The following AMPH variants were observed in gnomAD, a reference collection of about 807,000 sequenced individuals.
AMPH encodes amphiphysin, also known as amphiphysin (Stiff-Mann syndrome with breast cancer 128kD autoantigen).
In AMPH, 49 loss-of-function variants were observed where a neutral mutation model predicts 99.1. That is an observed-to-expected ratio of 0.49 (90% CI 0.39 to 0.63). The LOEUF is 0.63. Among genes scored for constraint, AMPH ranks in the 20% least tolerant of loss-of-function variants. The probability of loss-of-function intolerance (pLI) is 0.00; values close to 1 mark genes in which losing one functional copy is unlikely to be tolerated. For missense variants in AMPH, 759 were observed against 863.4 expected (o/e 0.88, Z 1.52); for synonymous variants, 314 against 317.3 (o/e 0.99, Z 0.11).
At chr7:38,469,440 C>T (rs1050380564) in intron 7 of AMPH, among the ~76,000 whole-genome samples, 3 of 152,162 alleles carry the variant, frequency 2.0e-5, no homozygotes, top group African/African-American at 7.2e-5. Context: ...CTCTCCCCTT[C>T]GCAATGCCCT....
chr7:38,398,881 C>T (rs1206969396), intron 17 of AMPH, among the ~76,000 whole-genome samples: 2 of 152,180 alleles, frequency 1.3e-5, no homozygotes, highest in Admixed American at 1.3e-4. Context: ...CAGGTATTAG[C>T]TGCTGTGACA....
At position 38,571,052 on chromosome 7, in the gene AMPH, TTC is replaced by T. The variant is rs1430141046; in HGVS notation, c.70-36043_70-36042del. ...ATTGAATATATATAGAATATATATA[TTC>T]ATATATTGAATATATATAGAATATA... On this transcript the variant is annotated intron_variant, in intron 1 of 20. Transcript: ENST00000356264. Among the ~76,000 whole-genome samples, 119 of 63,964 alleles carry T rather than the reference TTC, an allele frequency of 1.9e-3. 16 individuals are homozygous for T. The highest frequency in any genetic ancestry group is 7.1e-3 in the African/African-American group (112 of 15,802). The allele number at this position is 63,964 out of a possible 152,430, so 42.0% of individuals were successfully genotyped here. A position where few individuals can be genotyped will look rare whatever the true frequency, so the allele number is the denominator to read the frequency against.
intron 1 of AMPH, among the ~76,000 whole-genome samples, chr7:38,547,409 A>G (rs1432050667): frequency 6.6e-6 from 1 of 152,202 alleles, no homozygotes; most frequent in East Asian, 1.9e-4. Context: ...AAACTGGTAC[A>G]ATTCACCAGA....
chr7:38,558,032 T>C (rs924645098), intron 1 of AMPH, among the ~76,000 whole-genome samples: 1 of 150,982 alleles, frequency 6.6e-6, no homozygotes, highest in Non-Finnish European at 1.5e-5. Flanking sequence ...TCATGTTATA[T>C]GAAGAAAAAT....
At chr7:38,563,699 T>C (rs1791633326) in intron 1 of AMPH, among the ~76,000 whole-genome samples, 1 of 152,120 alleles carries the variant, frequency 6.6e-6, no homozygotes, top group South Asian at 2.1e-4. Context: ...ACAAAAATTA[T>C]CCCAAAAGTG....
chr7:38,407,076 A>ATGTGTG (rs70975098), intron 17 of AMPH, among the ~76,000 whole-genome samples: 2 of 19,750 alleles, frequency 1.0e-4, no homozygotes, highest in African/African-American at 3.8e-4. Flanking sequence ...ATATATATAT[A>ATGTGTG]TGTGTGTGTG....
intron 1 of AMPH, among the ~76,000 whole-genome samples, chr7:38,585,938 G>C (rs904308814): frequency 6.6e-6 from 1 of 152,228 alleles, no homozygotes; most frequent in Admixed American, 6.5e-5. Flanking sequence ...GCTAGCCTGA[G>C]AGATTTTTTT....
intron 11 of AMPH, among the ~76,000 whole-genome samples, chr7:38,440,475 G>A (rs1317769366): frequency 6.6e-6 from 1 of 152,082 alleles, no homozygotes; most frequent in Non-Finnish European, 1.5e-5. Flanking sequence ...CACAAAGGAG[G>A]AGAACCAGAA....
chr7:38,430,553 C>T lies in AMPH; in HGVS notation c.1159-688G>A, dbSNP rs867341859. 5.4e-4 allele frequency among the ~76,000 whole-genome samples: 83 copies of T among 152,310 alleles called. 1 individual carries two copies. Among genetic ancestry groups the T allele is most frequent in the African/African-American group, 1.9e-3 (79 of 41,568 alleles). On this transcript the variant is annotated intron_variant, in intron 13 of 20. Transcript: ENST00000356264. ...AAGCTCTTTTTAGACGATACCTTCA[C>T]CCTCTCCATACCCTCCCAGCGAGGG...
intron 1 of AMPH, among the ~76,000 whole-genome samples, chr7:38,618,277 C>T (rs1201109456): frequency 5.3e-5 from 8 of 151,828 alleles, no homozygotes; most frequent in African/African-American, 1.9e-4. Context: ...CTTTGGGAGG[C>T]CGAGGCGGGC....
chr7:38,539,727 G>A (rs1429053508), intron 1 of AMPH, among the ~76,000 whole-genome samples: 1 of 152,166 alleles, frequency 6.6e-6, no homozygotes, highest in East Asian at 1.9e-4. Flanking sequence ...ATGTGGAACT[G>A]GAAAAGATGA....
At chr7:38,391,436 T>C (rs1429503342) in intron 19 of AMPH, among the ~76,000 whole-genome samples, 1 of 152,208 alleles carries the variant, frequency 6.6e-6, no homozygotes, top group Non-Finnish European at 1.5e-5. Context: ...AGGCCTGGTC[T>C]GAGCCAGGCT....
chr7:38,550,055 C>T (rs1489755768), intron 1 of AMPH, among the ~76,000 whole-genome samples: 4 of 152,232 alleles, frequency 2.6e-5, no homozygotes, highest in Non-Finnish European at 4.4e-5. Flanking sequence ...CCTGGTTATC[C>T]GAAAGGAGTA....
chr7:38,463,266 G>A (rs1352390087), intron 9 of AMPH, 153 bp from the exon 10 acceptor site: 1 of 967,120 alleles, frequency 1.0e-6, no homozygotes, highest in African/African-American at 1.6e-5. Flanking sequence ...AATTGCAACA[G>A]TGATGGTGAT....
At chr7:38,532,837 CT>C (rs1180589233) in intron 2 of AMPH, among the ~76,000 whole-genome samples, 1 of 151,824 alleles carries the variant, frequency 6.6e-6, no homozygotes, top group Non-Finnish European at 1.5e-5. Context: ...CAAAGTTAAC[CT>C]TCTAGGGTGC....
intron 2 of AMPH, among the ~76,000 whole-genome samples, chr7:38,506,794 A>G (rs893505450): frequency 6.6e-6 from 1 of 152,192 alleles, no homozygotes; most frequent in Admixed American, 6.5e-5. Context: ...GAAGTCGGAT[A>G]AAAAAATAGC....
At chr7:38,571,545 AAT>A (rs1170607338) in intron 1 of AMPH, among the ~76,000 whole-genome samples, 1 of 140,734 alleles carries the variant, frequency 7.1e-6, no homozygotes, top group Non-Finnish European at 1.5e-5. Context: ...ATTCTGTATA[AAT>A]ATATATATTT....
intron 1 of AMPH, among the ~76,000 whole-genome samples, chr7:38,562,501 T>C (rs1010592559): frequency 6.6e-6 from 1 of 152,134 alleles, no homozygotes; most frequent in African/African-American, 2.4e-5. Flanking sequence ...GAAGAAAGAC[T>C]TAAAGGCCTT....
At chr7:38,464,313 G>A (rs959567687) in intron 9 of AMPH, among the ~76,000 whole-genome samples, 5 of 151,658 alleles carry the variant, frequency 3.3e-5, no homozygotes, top group South Asian at 2.1e-4. Flanking sequence ...TTCTTCCTTC[G>A]TGCCTAGCCC....
Sources: gnomAD v4.1 joint callset for allele counts (sites outside exome capture counted in the v4.1 genomes callset) on GRCh38, gnomAD v4.1.1 for gene constraint, MANE v1.5 for transcripts, NCBI Gene and HGNC (gene_info 2026-07-23, HGNC 2026-07-21) for gene names.